Variants in FTCD observed in about 807,000 individuals in gnomAD.
FTCD encodes the protein formimidoyltransferase cyclodeaminase, also known as formimidoyltransferase-cyclodeaminase.
Under a neutral mutation model 62.9 loss-of-function variants are expected in FTCD, and 76 were observed. The ratio of observed to expected loss-of-function variants is 1.21; its 90% CI spans 1.00 to 1.46. The LOEUF is 1.46. Ranked by LOEUF, FTCD falls within the 40% of genes most tolerant of loss-of-function variation. The probability of loss-of-function intolerance (pLI) is 0.00; values close to 1 mark genes in which losing one functional copy is unlikely to be tolerated. For synonymous variants in FTCD, 397 were observed against 336.9 expected (o/e 1.18, Z -1.95); for missense variants, 845 against 751.3 (o/e 1.12, Z -1.46).
rs774622670 is a variant in FTCD at position 46,152,943 on chromosome 21, A to AG, written c.330dup (p.Phe111LeufsTer41). 1 of 1,564,612 alleles carries AG rather than the reference A, an allele frequency of 6.4e-7. No individual in the cohort carries two copies. The highest frequency in any genetic ancestry group is 8.7e-7 in the Non-Finnish European group (1 of 1,154,836). ...AGCTCCTCTGCCAGCCTCTGGCCAA[A>AG]GGCCTGGGCGCAGAGCACACACTCA... On this transcript the variant is annotated frameshift_variant, in exon 3 of 14. Transcript: ENST00000397746. LOFTEE classifies it high-confidence loss of function.
chr21:46,150,484 C>G lies in FTCD; in HGVS notation c.678G>C (p.Leu226=). 6.2e-7 allele frequency: 1 copy of G among 1,613,262 alleles called. No individual in the cohort carries two copies. The highest frequency in any genetic ancestry group is 8.5e-7 in the Non-Finnish European group (1 of 1,179,884). ...LKKVQGIGWY[L]DEKNLAQVST... is the part of the protein sequence containing the mutation. The stretch of plus-strand genomic sequence containing the variant: ...ACACCTGAGCCAGGTTCTTCTCATC[C>G]AGGTACCAGCCAATGCCCTGAACTT... The change falls in exon 6 of 14, where the codon CTG becomes CTC. Residue 226 remains leucine, a synonymous_variant. Transcript: ENST00000397746.
chr21:46,146,116 G>T (rs2079141633), intron 8 of FTCD, 150 bp downstream of exon 8: 7 of 742,002 alleles, frequency 9.4e-6, no homozygotes, highest in Admixed American at 2.4e-5. Flanking sequence ...TCAGCCCCCA[G>T]ACCCCGGCTT....
chr21:46,151,425 G>C, intron 5 of FTCD, 133 bp downstream of exon 5: 1 of 813,710 alleles, frequency 1.2e-6, no homozygotes, highest in South Asian at 1.5e-5. Context: ...GGCTGGGCCG[G>C]TCTGCAGGTG....
chr21:46,148,790 G>A (rs574844167), intron 7 of FTCD, among the ~76,000 whole-genome samples: 6 of 152,306 alleles, frequency 3.9e-5, no homozygotes, highest in African/African-American at 1.4e-4. Flanking sequence ...GAAAAGGTTG[G>A]CTCAGTGCTC....
chr21:46,153,933 G>A (rs970900906), intron 2 of FTCD, among the ~76,000 whole-genome samples: 12 of 152,100 alleles, frequency 7.9e-5, no homozygotes, highest in African/African-American at 2.7e-4. Context: ...TGGGAGCGTG[G>A]CGACCTGGGG....
chr21:46,148,293 G>A (rs1411654008), intron 7 of FTCD, among the ~76,000 whole-genome samples: 1 of 152,214 alleles, frequency 6.6e-6, no homozygotes, highest in East Asian at 1.9e-4. Context: ...CGGCGTCTCT[G>A]AGGAGGACAC....
chr21:46,140,170 C>G (rs1030347290), intron 10 of FTCD, among the ~76,000 whole-genome samples: 1 of 152,078 alleles, frequency 6.6e-6, no homozygotes, highest in Admixed American at 6.5e-5. Context: ...CCCCGTCCAC[C>G]TTCACATTGC....
At position 46,138,499 on chromosome 21, in the gene FTCD, C is replaced by T. The variant is rs750817590; in HGVS notation, c.1443+9G>A. 2.6e-6 allele frequency: 4 copies of T among 1,559,852 alleles called. No individual in the cohort carries two copies. Among genetic ancestry groups the T allele is most frequent in the South Asian group, 1.4e-5 (1 of 71,270 alleles). On this transcript the variant is annotated intron_variant, in intron 12 of 13. Coordinates refer to ENST00000397746, the MANE Select transcript of FTCD (RefSeq NM_206965.2). Reference sequence around the variant, plus strand: ...GGCAGGAGGCCTGGGGTCCCCCGGGCCCCCCTACCTGGAGGTCTGACCGGC... The same window carrying T: ...GGCAGGAGGCCTGGGGTCCCCCGGGTCCCCCTACCTGGAGGTCTGACCGGC...
intron 5 of FTCD, 25 bp downstream of exon 5, chr21:46,151,533 C>G (rs2079274294): frequency 6.2e-7 from 1 of 1,602,818 alleles, no homozygotes; most frequent in Admixed American, 1.7e-5. Context: ...GGGTGGGGCT[C>G]CATGGGGTCA....
chr21:46,141,130 T>C (rs542803255), intron 10 of FTCD, among the ~76,000 whole-genome samples: 2 of 152,306 alleles, frequency 1.3e-5, no homozygotes, highest in African/African-American at 2.4e-5. Context: ...ATTGTTCCTA[T>C]GTTTTATATA....
Position 46,152,897 on chromosome 21 carries a change from G to GGGGGGC in FTCD, c.367+9_367+10insGCCCCC. On this transcript the variant is annotated intron_variant, in intron 3 of 13. Transcript: ENST00000397746. ...GGAGCAGAGTGAGGGGGGCGGGGGG[G>GGGGGGC]CACGCTCACCTGGCACGTCCAGCTC... 4 of 1,210,066 alleles carry GGGGGGC rather than the reference G, an allele frequency of 3.3e-6. No individual in the cohort carries two copies. The highest frequency in any genetic ancestry group is 4.6e-6 in the Non-Finnish European group (4 of 865,816). The allele number at this position is 1,210,066 out of a possible 1,614,324, so 75.0% of individuals were successfully genotyped here.
At chr21:46,136,323 G>A, downstream of FTCD, 1 of 897,462 alleles carries the variant, frequency 1.1e-6, no homozygotes, top group Non-Finnish European at 1.7e-6. Context: ...GGCTGGGCAG[G>A]GAGCTGAGGC....
chr21:46,137,374 G>C lies in FTCD; in HGVS notation c.1444-40C>G, dbSNP rs778377195. 4.1e-6 allele frequency: 6 copies of C among 1,463,376 alleles called. No individual in the cohort carries two copies. In the African/African-American group the frequency reaches 8.4e-5, roughly 20 times the overall value. 90.6% of individuals were successfully genotyped at this position (1,463,376 alleles called of 1,614,324 possible). On this transcript the variant is annotated intron_variant, in intron 12 of 13. Transcript: ENST00000397746. ...GGGAGCCCCTACATGGATCAAGGCT[G>C]AGCAAACTGCCGGAAGGAGGGTCTC...
Position 46,153,050 on chromosome 21 carries a change from C to G in FTCD, c.239-15G>C. On this transcript the variant is annotated splice_polypyrimidine_tract_variant and intron_variant, in intron 2 of 13. Coordinates refer to ENST00000397746, the MANE Select transcript of FTCD (RefSeq NM_206965.2). The stretch of plus-strand genomic sequence containing the variant: ...GGGGTGCTCTCCTGCAGAGAGACGG[C>G]GAGGCCGGGCAGGAGGCCAGGTGTG... 6.5e-7 allele frequency: 1 copy of G among 1,544,218 alleles called. No homozygotes were observed.
intron 7 of FTCD, among the ~76,000 whole-genome samples, chr21:46,148,225 G>A (rs987970541): frequency 6.6e-6 from 1 of 152,190 alleles, no homozygotes; most frequent in African/African-American, 2.4e-5. Context: ...GAAGGGGGTC[G>A]CCTTGGCAAG....
chr21:46,150,444 C>T lies in FTCD; in HGVS notation c.718G>A (p.Asp240Asn). 6.2e-7 allele frequency: 1 copy of T among 1,613,228 alleles called. No homozygotes were observed. The highest frequency in any genetic ancestry group is 1.7e-4 in the Middle Eastern group (1 of 6,060). The change falls in exon 6 of 14, where the codon GAC becomes AAC. Residue 240 changes from aspartate to asparagine, a missense_variant. By Grantham distance (23) the Asp-to-Asn change is conservative. Transcript: ENST00000397746. ...GTGTGCAGTGCCGTGACCTCAAAGT[C>T]CAGAAGATTGGTGGACACCTGAGCC... ...NLAQVSTNLL[D>N]FEVTALHTVY...
intron 10 of FTCD, among the ~76,000 whole-genome samples, chr21:46,141,185 T>A (rs1275532599): frequency 6.6e-6 from 1 of 152,236 alleles, no homozygotes; most frequent in Non-Finnish European, 1.5e-5. Context: ...TTGCCCAGGC[T>A]AGAGTGCAGT....
At chr21:46,140,322 TCG>T in intron 10 of FTCD, among the ~76,000 whole-genome samples, 1 of 150,332 alleles carries the variant, frequency 6.7e-6, no homozygotes, top group African/African-American at 2.5e-5. Flanking sequence ...CCGTCCACCT[TCG>T]CATTGCTCAG....
At position 46,145,644 on chromosome 21, in the gene FTCD, G is replaced by C. The variant is rs758548047; in HGVS notation, c.1099-66C>G. On this transcript the variant is annotated intron_variant, in intron 9 of 13. Transcript: ENST00000397746. ...CGGCCCGGGACCGACCCCAGGAAGA[G>C]CCAGGGGCCCGGGTGATCCCTGCGG... is the stretch of plus-strand genomic sequence containing the variant. 3.2e-5 allele frequency: 40 copies of C among 1,267,936 alleles called. 1 individual carries two copies. The highest frequency in any genetic ancestry group is 1.7e-4 in the South Asian group (12 of 69,734). 78.5% of individuals were successfully genotyped at this position (1,267,936 alleles called of 1,614,324 possible).
Sources: allele counts gnomAD v4.1 joint callset (sites outside exome capture counted in the v4.1 genomes callset), GRCh38; gene constraint gnomAD v4.1.1; transcripts MANE v1.5; gene names NCBI Gene and HGNC (gene_info 2026-07-23, HGNC 2026-07-21).